Variants in MALRD1 observed in about 807,000 individuals in gnomAD.
MALRD1 encodes MAM and LDL receptor class A domain containing 1, also known as MAM and LDL-receptor class A domain-containing protein 1.
A neutral mutation model predicts 242.1 loss-of-function variants in MALRD1; 247 were observed. That is an observed-to-expected ratio of 1.02 (90% confidence interval 0.92 to 1.13). The LOEUF (loss-of-function observed/expected upper bound fraction) is 1.13. Ranked by LOEUF, MALRD1 falls within the 50% of genes most tolerant of loss-of-function variation. The pLI is 0.00. For synonymous variants in MALRD1, 995 were observed against 866.6 expected (o/e 1.15, Z -2.60); for missense variants, 2,989 against 2,533.1 (o/e 1.18, Z -3.86).
At chr10:19,510,684 C>G (rs941085332) in intron 31 of MALRD1, among the ~76,000 whole-genome samples, 21 of 152,228 alleles carry the variant, frequency 1.4e-4, no homozygotes, top group African/African-American at 5.1e-4. Context: ...TTTCTTAGTA[C>G]AGAACAAAAT....
At position 19,450,484 on chromosome 10, in the gene MALRD1, A is replaced by T; in HGVS notation, c.5023A>T (p.Thr1675Ser). The change falls in exon 29 of 40, where the codon ACA (threonine) becomes TCA (serine). Residue 1675 changes from threonine (T) to serine (S), a missense_variant. Thr to Ser is a moderately conservative substitution (Grantham distance 58). Coordinates refer to ENST00000454679, the MANE Select transcript of MALRD1 (RefSeq NM_001142308.3). ...AIDDIEFKNC[T>S]TVGEISELCP... is the part of the protein sequence containing the mutation. ...TGATGATATTGAATTTAAAAACTGC[A>T]CAACTGGTAAGTTTCCAGAAAGCAC... is the stretch of plus-strand genomic sequence containing the variant. The T allele has an allele frequency of 6.5e-7, 1 of 1,544,860 alleles. No individual in the cohort carries two copies. Among genetic ancestry groups the T allele is most frequent in the Non-Finnish European group, 8.7e-7 (1 of 1,144,304 alleles).
rs1408142424 is a variant in MALRD1 at position 19,397,927 on chromosome 10, T to C, written c.4845+8318T>C. Among the ~76,000 whole-genome samples the C allele has an allele frequency of 3.3e-5, 5 of 152,154 alleles. No individual in the cohort carries two copies. The East Asian group carries it at 5.8e-4, about 18-fold the overall frequency. ...TAGTGATGCCGAGCATTTTTTTTTT[T>C]CATATATCTCTTGGCCATGTATATG... On this transcript the variant is annotated intron_variant, in intron 28 of 39. Transcript: ENST00000454679.
intron 26 of MALRD1, among the ~76,000 whole-genome samples, chr10:19,381,929 A>G (rs755591191): frequency 2.7e-4 from 41 of 152,152 alleles, no homozygotes; most frequent in Non-Finnish European, 5.0e-4. Context: ...TTTCCAACTG[A>G]GTAAAATTTT....
At chr10:19,523,461 A>G (rs1833965449) in intron 31 of MALRD1, among the ~76,000 whole-genome samples, 1 of 152,182 alleles carries the variant, frequency 6.6e-6, no homozygotes, top group African/African-American at 2.4e-5. Context: ...AGCATCTACC[A>G]TTTATTAGTT....
intron 1 of MALRD1, among the ~76,000 whole-genome samples, chr10:19,061,821 A>AAACT (rs1391392746): frequency 6.6e-6 from 1 of 152,212 alleles, no homozygotes; most frequent in African/African-American, 2.4e-5. Context: ...GTAAGAGCTA[A>AAACT]AACTGTAAAA....
intron 18 of MALRD1, among the ~76,000 whole-genome samples, chr10:19,227,740 C>G (rs1193463274): frequency 6.6e-6 from 1 of 151,886 alleles, no homozygotes; most frequent in Non-Finnish European, 1.5e-5. Flanking sequence ...GTACACATAA[C>G]TAAAAAACTA....
chr10:19,695,653 G>A (rs563003610), intron 38 of MALRD1, among the ~76,000 whole-genome samples: 8 of 151,870 alleles, frequency 5.3e-5, no homozygotes, highest in African/African-American at 1.4e-4. Flanking sequence ...CTGAGTAGCT[G>A]GGATTACAGG....
At chr10:19,674,513 T>A (rs1207971781) in intron 36 of MALRD1, among the ~76,000 whole-genome samples, 2 of 152,140 alleles carry the variant, frequency 1.3e-5, no homozygotes, top group Non-Finnish European at 2.9e-5. Flanking sequence ...ATTCCTTCCT[T>A]CCAGAGCCCA....
At chr10:19,599,408 A>C (rs995222761) in intron 34 of MALRD1, among the ~76,000 whole-genome samples, 1 of 152,166 alleles carries the variant, frequency 6.6e-6, no homozygotes, top group Non-Finnish European at 1.5e-5. Context: ...GAAGCAATAT[A>C]GTTTTTATCA....
At chr10:19,539,897 T>TGTGTGTGTGTGTGTGTGTGCGC (rs1365113182) in intron 32 of MALRD1, among the ~76,000 whole-genome samples, 2 of 44,416 alleles carry the variant, frequency 4.5e-5, no homozygotes, top group African/African-American at 6.7e-5. Flanking sequence ...TGTGTGTGTG[T>TGTGTGTGTGTGTGTGTGTGCGC]GCGCGCGCGC....
At chr10:19,179,018 A>C (rs1034741177) in intron 14 of MALRD1, among the ~76,000 whole-genome samples, 2 of 152,216 alleles carry the variant, frequency 1.3e-5, no homozygotes, top group African/African-American at 4.8e-5. Flanking sequence ...GCGATGAATG[A>C]AAACGTCCTG....
chr10:19,489,576 TA>T (rs1322435775), intron 29 of MALRD1, among the ~76,000 whole-genome samples: 1 of 152,186 alleles, frequency 6.6e-6, no homozygotes, highest in Non-Finnish European at 1.5e-5. Context: ...TGCTTTTTTT[TA>T]AGAGGTGAAA....
chr10:19,226,817 A>T (rs757330885), intron 18 of MALRD1, among the ~76,000 whole-genome samples: 1 of 152,098 alleles, frequency 6.6e-6, no homozygotes, highest in Non-Finnish European at 1.5e-5. Context: ...AGTGAATTTA[A>T]CAAAGTTGTA....
chr10:19,431,312 T>C (rs910133222), intron 28 of MALRD1, among the ~76,000 whole-genome samples: 2 of 151,284 alleles, frequency 1.3e-5, no homozygotes, highest in African/African-American at 4.9e-5. Context: ...TTTATACTTC[T>C]TTTTTTTCAG....
At chr10:19,485,453 C>G (rs1837193215) in intron 29 of MALRD1, among the ~76,000 whole-genome samples, 1 of 152,068 alleles carries the variant, frequency 6.6e-6, no homozygotes, top group Non-Finnish European at 1.5e-5. Context: ...ACCATTCTGG[C>G]TAATAGGGTG....
At chr10:19,345,472 A>G (rs1242431176) in intron 24 of MALRD1, among the ~76,000 whole-genome samples, 2 of 152,120 alleles carry the variant, frequency 1.3e-5, no homozygotes, top group African/African-American at 2.4e-5. Flanking sequence ...TATTTTCCTG[A>G]CATCTACTCC....
At chr10:19,585,393 C>T (rs1391101780) in intron 33 of MALRD1, among the ~76,000 whole-genome samples, 1 of 151,964 alleles carries the variant, frequency 6.6e-6, no homozygotes, top group African/African-American at 2.4e-5. Flanking sequence ...TTAGCGCTTC[C>T]TTCAGGAGCT....
chr10:19,283,189 A>AC lies in MALRD1; in HGVS notation c.3419+10dup. 1 of 1,518,920 alleles carries AC rather than the reference A, an allele frequency of 6.6e-7. No individual in the cohort carries two copies. Among genetic ancestry groups the AC allele is most frequent in the Non-Finnish European group, 8.8e-7 (1 of 1,130,570 alleles). 94.1% of individuals were successfully genotyped at this position (1,518,920 alleles called of 1,614,324 possible). ...ATCAGTGGATCATACACAGTAAGTGACCATGTATTTTGAATATCTCTCTTG... is the reference window on the plus strand; with the variant it reads ...ATCAGTGGATCATACACAGTAAGTGACCCATGTATTTTGAATATCTCTCTTG... On this transcript the variant is annotated intron_variant, in intron 21 of 39. Transcript: ENST00000454679.
intron 30 of MALRD1, among the ~76,000 whole-genome samples, chr10:19,498,102 T>A (rs1207842257): frequency 1.3e-5 from 2 of 152,232 alleles, no homozygotes; most frequent in Admixed American, 1.3e-4. Context: ...GCTAATAGGC[T>A]ATGCTATTCA....
Sources: allele counts gnomAD v4.1 joint callset (sites outside exome capture counted in the v4.1 genomes callset), GRCh38; gene constraint gnomAD v4.1.1; transcripts MANE v1.5; gene names NCBI Gene and HGNC (gene_info 2026-07-23, HGNC 2026-07-21).